Variants in PARVB observed in about 807,000 individuals in gnomAD.
PARVB encodes parvin beta, also known as beta-parvin.
In PARVB, 46 loss-of-function variants were observed where a neutral mutation model predicts 47.0. That is an observed-to-expected ratio of 0.98 (90% CI 0.77 to 1.25). PARVB has a LOEUF of 1.25. Among genes scored for constraint, PARVB ranks in the 50% most tolerant of loss-of-function variants. The pLI is 0.00. For synonymous variants in PARVB, 196 were observed against 196.3 expected (o/e 1.00, Z 0.01); for missense variants, 473 against 471.6 (o/e 1.00, Z -0.03).
intron 3 of PARVB, among the ~76,000 whole-genome samples, chr22:44,100,632 C>G (rs1217459209): frequency 6.6e-6 from 1 of 152,142 alleles, no homozygotes; most frequent in African/African-American, 2.4e-5. Flanking sequence ...CTGGCTGCCC[C>G]GCTCCCAGAA....
chr22:44,054,549 G>T (rs1482529082), intron 1 of PARVB, among the ~76,000 whole-genome samples: 2 of 152,080 alleles, frequency 1.3e-5, no homozygotes, highest in Non-Finnish European at 2.9e-5. Flanking sequence ...TGGAATGGCA[G>T]TTGCCAGGGG....
chr22:44,168,563 G>A (rs755248933), intron 12 of PARVB, 39 bp from the exon 13 acceptor site: 38 of 1,395,888 alleles, frequency 2.7e-5, no homozygotes, highest in Middle Eastern at 1.8e-4. Context: ...ATGACAGGAG[G>A]ATGGCACGCC....
chr22:44,066,795 C>CCTT (rs1569087930), intron 1 of PARVB, among the ~76,000 whole-genome samples: 25 of 140,312 alleles, frequency 1.8e-4, no homozygotes, highest in African/African-American at 6.1e-4. Flanking sequence ...TCCTCCTCCT[C>CCTT]CTCCTCCTCC....
intron 11 of PARVB, among the ~76,000 whole-genome samples, chr22:44,159,136 G>A (rs2053998512): frequency 6.6e-6 from 1 of 152,174 alleles, no homozygotes; most frequent in Non-Finnish European, 1.5e-5. Context: ...AACTCACCAG[G>A]AAACTCACCA....
chr22:44,031,955 A>G (rs2050834343), intron 1 of PARVB, among the ~76,000 whole-genome samples: 1 of 152,240 alleles, frequency 6.6e-6, no homozygotes, highest in East Asian at 1.9e-4. Flanking sequence ...TTAGCTGTAC[A>G]TGTTACACTT....
intron 8 of PARVB, chr22:44,141,920 A>T (rs571753414): frequency 6.6e-6 from 1 of 152,280 alleles, no homozygotes; most frequent in South Asian, 2.1e-4. Context: ...AGGGAGGCGA[A>T]ACCGCAGTGG....
At chr22:44,131,035 TCCTCCCTCCCTCCCTCCCTC>T (rs57543198) in intron 4 of PARVB, among the ~76,000 whole-genome samples, 1 of 34,336 alleles carries the variant, frequency 2.9e-5, no homozygotes. Flanking sequence ...TCTCTCCCCT[TCCTCCCTCCCTCCCTCCCTC>T]CCTCCCTCCC....
At chr22:44,121,443 A>G (rs1352916302) in intron 4 of PARVB, among the ~76,000 whole-genome samples, 4 of 152,122 alleles carry the variant, frequency 2.6e-5, no homozygotes, top group African/African-American at 9.7e-5. Flanking sequence ...TCATCTCTAA[A>G]TATTATGCTG....
chr22:44,099,934 C>T, intron 2 of PARVB, 119 bp from the exon 3 acceptor site: 1 of 792,998 alleles, frequency 1.3e-6, no homozygotes, highest in Admixed American at 2.0e-5. Flanking sequence ...CAGTCACCCT[C>T]CCCTAGTGCT....
chr22:44,101,537 G>A (rs915518896), intron 3 of PARVB, among the ~76,000 whole-genome samples: 1 of 152,232 alleles, frequency 6.6e-6, no homozygotes, highest in African/African-American at 2.4e-5. Flanking sequence ...ATCACCTGAG[G>A]TGAGGAGTTC....
intron 1 of PARVB, among the ~76,000 whole-genome samples, chr22:44,074,568 A>G (rs2051725506): frequency 6.6e-6 from 1 of 152,102 alleles, no homozygotes; most frequent in Admixed American, 6.5e-5. Flanking sequence ...CAAGCTGCTG[A>G]GCTTTTCACA....
intron 1 of PARVB, among the ~76,000 whole-genome samples, chr22:44,070,615 G>GTC (rs1331892960): frequency 4.6e-5 from 7 of 152,184 alleles, no homozygotes; most frequent in African/African-American, 1.7e-4. Context: ...GAAACCAGAG[G>GTC]TGGAAGGAGG....
At chr22:44,000,246 T>C (rs1340802143) in intron 2 of PARVB, among the ~76,000 whole-genome samples, 1 of 152,250 alleles carries the variant, frequency 6.6e-6, no homozygotes, top group Non-Finnish European at 1.5e-5. Flanking sequence ...CAGAGATTGA[T>C]TGTTTTGCCT....
intron 12 of PARVB, among the ~76,000 whole-genome samples, chr22:44,165,742 T>C (rs2054153740): frequency 6.6e-6 from 1 of 152,232 alleles, no homozygotes; most frequent in Non-Finnish European, 1.5e-5. Context: ...CCTGTAACTT[T>C]CCAGCAGGGC....
rs563724419 is a variant in PARVB, at chr22:44,009,674, ACT to A, written c.211+10006_211+10007del. 482 of 150,606 alleles carry A rather than the reference ACT, an allele frequency of 3.2e-3. 4 individuals are homozygous for A. Among genetic ancestry groups the A allele is most frequent in the African/African-American group, 0.011 (454 of 41,166 alleles). The allele number at this position is 150,606 out of a possible 1,614,324, so 9.3% of individuals were successfully genotyped here. ...ATAGGTTTTAAAACCTATTATATAA[ACT>A]CTCTTGTTAATATATAAACCATTAT... On this transcript the variant is annotated intron_variant, in intron 2 of 13. Transcript: ENST00000406477.
intron 2 of PARVB, among the ~76,000 whole-genome samples, chr22:44,007,513 C>T (rs1331361239): frequency 2.0e-5 from 3 of 152,204 alleles, no homozygotes; most frequent in Admixed American, 2.0e-4. Context: ...CCCTCCTGCG[C>T]TCCTCAGCGG....
At chr22:44,048,981 C>T (rs994722013) in intron 1 of PARVB, among the ~76,000 whole-genome samples, 3 of 152,122 alleles carry the variant, frequency 2.0e-5, no homozygotes, top group East Asian at 1.9e-4. Flanking sequence ...TGAACCACTG[C>T]GCCTGGCCTA....
At chr22:44,147,567 G>C in intron 8 of PARVB, 1 of 525,902 alleles carries the variant, frequency 1.9e-6, no homozygotes, top group Non-Finnish European at 3.6e-6. Flanking sequence ...GCAGATGCCA[G>C]ATGCCATCTA....
At chr22:44,011,753 A>C (rs1324594396) in intron 2 of PARVB, among the ~76,000 whole-genome samples, 4 of 152,050 alleles carry the variant, frequency 2.6e-5, no homozygotes, top group African/African-American at 9.7e-5. Context: ...ATGATGTGCT[A>C]TGGCCGCCAC....
Sources: allele counts gnomAD v4.1 joint callset (sites outside exome capture counted in the v4.1 genomes callset), GRCh38; gene constraint gnomAD v4.1.1; transcripts MANE v1.5; gene names NCBI Gene and HGNC (gene_info 2026-07-23, HGNC 2026-07-21).